CCND2: variants seen among roughly 807,000 people sequenced by gnomAD.
CCND2 encodes G1/S-specific cyclin-D2.
A neutral mutation model predicts 30.2 loss-of-function variants in CCND2; 6 were observed. The observed-to-expected ratio is 0.20, with a 90% CI of 0.11 to 0.39. The LOEUF (loss-of-function observed/expected upper bound fraction) is 0.39. Ranked by LOEUF, CCND2 falls within the 10% of genes least tolerant of loss-of-function variation. CCND2 has a pLI of 1.00. For missense variants in CCND2, 235 were observed against 373.4 expected (o/e 0.63, Z 3.06); for synonymous variants, 150 against 153.1 (o/e 0.98, Z 0.15).
At position 4,305,342 on chromosome 12, in the gene CCND2, C is replaced by A; in HGVS notation, c.*5333C>A. 1 of 221,138 alleles carries A rather than the reference C, an allele frequency of 4.5e-6. No individual in the cohort carries two copies. The highest frequency in any genetic ancestry group is 9.0e-6 in the Non-Finnish European group (1 of 110,524). 13.7% of individuals were successfully genotyped at this position (221,138 alleles called of 1,614,324 possible). The stretch of plus-strand genomic sequence containing the variant: ...TTATGCTATTTGGACAATAAACTCA[C>A]CTTGACCTAAATTATCTGGCCGTTT... On this transcript the variant is annotated 3_prime_UTR_variant, in exon 5 of 5. Coordinates refer to ENST00000261254, the MANE Select transcript of CCND2 (RefSeq NM_001759.4). This position sits in a 1 kb window ranked among gnomAD's most constrained non-coding sequence, Gnocchi z 6.4.
At chr12:4,281,578 G>A (rs955126450) in intron 3 of CCND2, among the ~76,000 whole-genome samples, 1 of 151,870 alleles carries the variant, frequency 6.6e-6, no homozygotes, top group African/African-American at 2.4e-5. Context: ...TCCTGGAGCT[G>A]ATGAAACACC....
intron 3 of CCND2, among the ~76,000 whole-genome samples, chr12:4,284,603 G>A (rs555405072): frequency 2.6e-4 from 40 of 152,240 alleles, no homozygotes; most frequent in Non-Finnish European, 4.7e-4. Context: ...CCCAAGCTCC[G>A]TGCACTCCAC....
At position 4,290,672 on chromosome 12, in the gene CCND2, C is replaced by T. The variant is rs370416215; in HGVS notation, c.720+1682C>T. Among the ~76,000 whole-genome samples, 9 of 152,230 alleles carry T rather than the reference C, an allele frequency of 5.9e-5. No homozygotes were observed. The East Asian group carries it at 1.5e-3, about 26-fold the overall frequency. On this transcript the variant is annotated intron_variant, in intron 4 of 4. Transcript: ENST00000261254. ...GGCTGACCACCCTACCGGCTCCAGC[C>T]TTTTCCCACCTCCCTTTGTCCCCCG...
intron 3 of CCND2, among the ~76,000 whole-genome samples, chr12:4,288,209 T>G (rs1049087287): frequency 6.7e-6 from 1 of 149,936 alleles, no homozygotes; most frequent in Admixed American, 6.7e-5. Flanking sequence ...GCATTGCTGC[T>G]TCTCTCATTT....
intron 4 of CCND2, among the ~76,000 whole-genome samples, chr12:4,290,078 C>T (rs1803429174): frequency 6.6e-6 from 1 of 152,300 alleles, no homozygotes; most frequent in Admixed American, 6.5e-5. Context: ...CCTCTGCGGG[C>T]TTTTATTGAG....
At chr12:4,296,503 G>A (rs1025195645) in intron 4 of CCND2, among the ~76,000 whole-genome samples, 13 of 152,228 alleles carry the variant, frequency 8.5e-5, no homozygotes, top group African/African-American at 3.1e-4. Context: ...TGTCTACCAC[G>A]CCTCGTGTGC....
Position 4,287,351 on chromosome 12 carries a change from A to T in CCND2, c.572-1491A>T, listed in dbSNP as rs907469153. Among the ~76,000 whole-genome samples, 2 of 152,172 alleles carry T rather than the reference A, an allele frequency of 1.3e-5. No individual in the cohort carries two copies. Among genetic ancestry groups the T allele is most frequent in the East Asian group, 3.9e-4 (2 of 5,192 alleles). ...AGCTGCTGTAGAAAGTGTGTTTGTAATAGAGTGTGTACAGGAGGAAGGGGA... is the reference window on the plus strand; with the variant it reads ...AGCTGCTGTAGAAAGTGTGTTTGTATTAGAGTGTGTACAGGAGGAAGGGGA... On this transcript the variant is annotated intron_variant, in intron 3 of 4. Coordinates refer to ENST00000261254, the MANE Select transcript of CCND2 (RefSeq NM_001759.4). This position sits in a 1 kb window ranked among gnomAD's most constrained non-coding sequence, Gnocchi z 4.0.
In CCND2 at chr12:4,276,283, T is replaced by C. The variant is rs1863873642; in HGVS notation, c.411+63T>C. On this transcript the variant is annotated intron_variant, in intron 2 of 4. Coordinates refer to ENST00000261254, the MANE Select transcript of CCND2 (RefSeq NM_001759.4). This position sits in a 1 kb window ranked among gnomAD's most constrained non-coding sequence, Gnocchi z 4.8. ...TCCCGCTTTCCCCTGGCCAACAATA[T>C]GCCTTCTATCACCACTGCCAGAGCA... The C allele has an allele frequency of 2.8e-6, 4 of 1,407,304 alleles. No homozygotes were observed. The highest frequency in any genetic ancestry group is 1.9e-5 in the Admixed American group (1 of 52,676). 87.2% of individuals were successfully genotyped at this position (1,407,304 alleles called of 1,614,324 possible). A position where few individuals can be genotyped will look rare whatever the true frequency, so the allele number is the denominator to read the frequency against.
At chr12:4,294,764 C>T (rs1358807572) in intron 4 of CCND2, among the ~76,000 whole-genome samples, 3 of 152,208 alleles carry the variant, frequency 2.0e-5, no homozygotes, top group Non-Finnish European at 4.4e-5. Context: ...TTTCCAGAGG[C>T]CCTTTGGACC....
chr12:4,290,555 G>A (rs1864085435), intron 4 of CCND2, among the ~76,000 whole-genome samples: 1 of 151,338 alleles, frequency 6.6e-6, no homozygotes, highest in Admixed American at 6.6e-5. Flanking sequence ...AGACAAAAAT[G>A]TCAGTGACAG....
In CCND2 at chr12:4,285,741, G is replaced by A. The variant is rs531763378; in HGVS notation, c.572-3101G>A. Among the ~76,000 whole-genome samples the A allele has an allele frequency of 1.3e-5, 2 of 152,324 alleles. No homozygotes were observed. Among genetic ancestry groups the A allele is most frequent in the South Asian group, 4.1e-4 (2 of 4,830 alleles). On this transcript the variant is annotated intron_variant, in intron 3 of 4. Transcript: ENST00000261254. The surrounding 1 kb of genome is among the most constrained non-coding windows in gnomAD (Gnocchi z 4.1). ...CTTTCCACAGTTGAGGGTGGGGGTT[G>A]GCTAATTACAGCTAGGAAGCTAGTG...
intron 3 of CCND2, among the ~76,000 whole-genome samples, chr12:4,284,348 T>C (rs1863992454): frequency 6.6e-6 from 1 of 152,196 alleles, no homozygotes; most frequent in Non-Finnish European, 1.5e-5. Flanking sequence ...TTCACACACT[T>C]GGTAGGTGGT....
At position 4,274,374 on chromosome 12, in the gene CCND2, T is replaced by C. The variant is rs940167921; in HGVS notation, c.195+139T>C. On this transcript the variant is annotated intron_variant, in intron 1 of 4. Coordinates refer to ENST00000261254, the MANE Select transcript of CCND2 (RefSeq NM_001759.4). This position sits in a 1 kb window ranked among gnomAD's most constrained non-coding sequence, Gnocchi z 7.7. ...GTGCGGGAGTTTACCGCGCGCCTTCTGGCGAGACGCGTGGCTTTATTTCTG... is the reference window on the plus strand; with the variant it reads ...GTGCGGGAGTTTACCGCGCGCCTTCCGGCGAGACGCGTGGCTTTATTTCTG... 1.5e-5 allele frequency: 13 copies of C among 843,496 alleles called. No homozygotes were observed. The African/African-American group carries it at 1.9e-4, about 12-fold the overall frequency. 52.3% of individuals were successfully genotyped at this position (843,496 alleles called of 1,614,324 possible).
At position 4,282,219 on chromosome 12, in the gene CCND2, G is replaced by A. The variant is rs1381322674; in HGVS notation, c.571+3300G>A. Among the ~76,000 whole-genome samples, 2 of 152,088 alleles carry A rather than the reference G, an allele frequency of 1.3e-5. No individual in the cohort carries two copies. Among genetic ancestry groups the A allele is most frequent in the East Asian group, 3.9e-4 (2 of 5,188 alleles). On this transcript the variant is annotated intron_variant, in intron 3 of 4. Transcript: ENST00000261254. This position sits in a 1 kb window ranked among gnomAD's most constrained non-coding sequence, Gnocchi z 4.3. ...AGCCAATGGCATTGAGTTTACACCT[G>A]GCACCGGGTAGGGGGAGGTGCTCAC...
chr12:4,297,570 CAAAAA>C (rs71061177), intron 4 of CCND2, among the ~76,000 whole-genome samples: 135 of 74,728 alleles, frequency 1.8e-3, no homozygotes, highest in African/African-American at 7.8e-3. Flanking sequence ...CACTCTGTCT[CAAAAA>C]AAAAAAAAAA....
Position 4,285,370 on chromosome 12 carries a change from C to T in CCND2, c.572-3472C>T. 1 of 985,366 alleles carries T rather than the reference C, an allele frequency of 1.0e-6. No individual in the cohort carries two copies. The highest frequency in any genetic ancestry group is 1.2e-6 in the Non-Finnish European group (1 of 829,850). 61.0% of individuals were successfully genotyped at this position (985,366 alleles called of 1,614,324 possible). ...CCCTCACCCCTGAGCGTGCCTTCTGCACCAGCATATTGCTTGTTGGCATTT... is the reference window on the plus strand; with the variant it reads ...CCCTCACCCCTGAGCGTGCCTTCTGTACCAGCATATTGCTTGTTGGCATTT... On this transcript the variant is annotated intron_variant, in intron 3 of 4. Transcript: ENST00000261254. This position sits in a 1 kb window ranked among gnomAD's most constrained non-coding sequence, Gnocchi z 4.1.
chr12:4,273,941 G>A lies in CCND2; in HGVS notation c.-100G>A. ...CCCCCTATTTAGCCAAAGGAAGGAG[G>A]TCAGGGGAACGCTCTCCCCTCCCCT... On this transcript the variant is annotated 5_prime_UTR_variant, in exon 1 of 5. Coordinates refer to ENST00000261254, the MANE Select transcript of CCND2 (RefSeq NM_001759.4). This position sits in a 1 kb window ranked among gnomAD's most constrained non-coding sequence, Gnocchi z 5.9. 5.9e-6 allele frequency: 7 copies of A among 1,193,744 alleles called. No homozygotes were observed. Among genetic ancestry groups the A allele is most frequent in the African/African-American group, 1.5e-5 (1 of 65,546 alleles). The allele number at this position is 1,193,744 out of a possible 1,614,324, so 73.9% of individuals were successfully genotyped here.
rs1864222412 is a variant in CCND2, at chr12:4,299,785, A to G, written c.721-75A>G. 3 of 1,382,330 alleles carry G rather than the reference A, an allele frequency of 2.2e-6. No individual in the cohort carries two copies. Among genetic ancestry groups the G allele is most frequent in the Admixed American group, 3.8e-5 (2 of 52,492 alleles). The allele number at this position is 1,382,330 out of a possible 1,614,324, so 85.6% of individuals were successfully genotyped here. A position where few individuals can be genotyped will look rare whatever the true frequency, so the allele number is the denominator to read the frequency against. ...AGCACAGACTTATGCAAGCTAAATT[A>G]CGCATGTTTTCTCCGTAGGATGCTC... On this transcript the variant is annotated intron_variant, in intron 4 of 4. Coordinates refer to ENST00000261254, the MANE Select transcript of CCND2 (RefSeq NM_001759.4). The surrounding 1 kb of genome is among the most constrained non-coding windows in gnomAD (Gnocchi z 5.2).
At chr12:4,297,780 G>T in intron 4 of CCND2, 1 of 438,642 alleles carries the variant, frequency 2.3e-6, no homozygotes. Context: ...ACAGGGTAAG[G>T]GTAAGGGATG....
Sources: allele counts gnomAD v4.1 joint callset (sites outside exome capture counted in the v4.1 genomes callset), GRCh38; gene constraint gnomAD v4.1.1; non-coding constraint Gnocchi (gnomAD v3.1); transcripts MANE v1.5; gene names NCBI Gene and HGNC (gene_info 2026-07-23, HGNC 2026-07-21).